WTIP: variants seen among roughly 807,000 people sequenced by gnomAD.
WTIP encodes the protein WT1 interacting protein, also known as Wilms tumor protein 1-interacting protein.
A neutral mutation model predicts 41.7 loss-of-function variants in WTIP; 23 were observed. That is an observed-to-expected ratio of 0.55 (90% CI 0.40 to 0.78). The LOEUF is 0.78. Ranked by LOEUF, WTIP falls within the 30% of genes least tolerant of loss-of-function variation. The pLI, the probability that WTIP is intolerant of heterozygous loss-of-function variation, is 0.00. For synonymous variants in WTIP, 314 were observed against 269.9 expected (o/e 1.16, Z -1.60); for missense variants, 619 against 610.5 (o/e 1.01, Z -0.15).
In WTIP at chr19:34,503,230, T is replaced by C. The variant is rs537816643; in HGVS notation, c.*2961T>C. 6.6e-6 allele frequency: 1 copy of C among 152,524 alleles called. No homozygotes were observed. The highest frequency in any genetic ancestry group is 2.4e-5 in the African/African-American group (1 of 41,586). 9.4% of individuals were successfully genotyped at this position (152,524 alleles called of 1,614,324 possible). ...TCTTTCTGGGCCCCTGGGCCCCGCA[T>C]TGCCTTCTGTCAGGGCTGGTGGCCA... On this transcript the variant is annotated 3_prime_UTR_variant, in exon 8 of 8. Transcript: ENST00000590071.
chr19:34,500,357 T>C lies in WTIP; in HGVS notation c.*88T>C. 1 of 1,404,204 alleles carries C rather than the reference T, an allele frequency of 7.1e-7. No homozygotes were observed. The highest frequency in any genetic ancestry group is 9.3e-7 in the Non-Finnish European group (1 of 1,070,422). 87.0% of individuals were successfully genotyped at this position (1,404,204 alleles called of 1,614,324 possible). On this transcript the variant is annotated 3_prime_UTR_variant, in exon 8 of 8. Transcript: ENST00000590071. ...TGGCCCTGGTCAGCGTCAGGGGAGC[T>C]CCCTCCAATCAGTTTCCCACCGAGC...
rs376589086 is a variant in WTIP, at chr19:34,493,442, G to A, written c.901-50G>A. ...TCAGGGCCAGAGCCTCTCCCAGGGC[G>A]GTGCTGAGCCTCCTGCCCGCGCTGA... On this transcript the variant is annotated intron_variant, in intron 4 of 7. Transcript: ENST00000590071. This position sits in a 1 kb window ranked among gnomAD's most constrained non-coding sequence, Gnocchi z 4.1. 26 of 1,606,392 alleles carry A rather than the reference G, an allele frequency of 1.6e-5. No individual in the cohort carries two copies. The highest frequency in any genetic ancestry group is 9.4e-5 in the African/African-American group (7 of 74,754).
At chr19:34,496,195 A>G (rs1435136018) in intron 7 of WTIP, among the ~76,000 whole-genome samples, 1 of 152,120 alleles carries the variant, frequency 6.6e-6, no homozygotes, top group Non-Finnish European at 1.5e-5. Context: ...TTTATTAGAG[A>G]CAAGATCTCA....
intron 1 of WTIP, among the ~76,000 whole-genome samples, chr19:34,484,935 T>TA (rs34263232): frequency 0.28 from 32,669 of 115,394 alleles, 4,988 homozygotes; most frequent in African/African-American, 0.42. Context: ...GTCTTTTCTT[T>TA]AAAAAAAAAA....
Position 34,502,227 on chromosome 19 carries a change from A to C in WTIP, c.*1958A>C, listed in dbSNP as rs1481265005. On this transcript the variant is annotated 3_prime_UTR_variant, in exon 8 of 8. Coordinates refer to ENST00000590071, the MANE Select transcript of WTIP (RefSeq NM_001080436.2). ...CACCTCAGCCTCCCAAAGTGCTGGG[A>C]TTACAGGTGTGTACCACTGTGCCCG... is the stretch of plus-strand genomic sequence containing the variant. 1.4e-5 allele frequency: 2 copies of C among 139,244 alleles called. No individual in the cohort carries two copies. The highest frequency in any genetic ancestry group is 3.0e-5 in the Non-Finnish European group (2 of 65,680). 8.6% of individuals were successfully genotyped at this position (139,244 alleles called of 1,614,324 possible).
At chr19:34,494,002 C>T in intron 5 of WTIP, among the ~76,000 whole-genome samples, 1 of 152,160 alleles carries the variant, frequency 6.6e-6, no homozygotes, top group East Asian at 1.9e-4. Flanking sequence ...CCTGTCTGAT[C>T]CCTGATCTGT....
At chr19:34,489,407 C>T (rs1364891612) in intron 1 of WTIP, among the ~76,000 whole-genome samples, 1 of 151,976 alleles carries the variant, frequency 6.6e-6, no homozygotes, top group Non-Finnish European at 1.5e-5. Flanking sequence ...TAAGTGGACC[C>T]TGGCATACAG....
intron 7 of WTIP, among the ~76,000 whole-genome samples, chr19:34,499,400 C>G (rs913781920): frequency 6.9e-6 from 1 of 144,152 alleles, no homozygotes; most frequent in Non-Finnish European, 1.5e-5. Flanking sequence ...CCCAGCTACT[C>G]AGGAGGCTGA....
chr19:34,483,121 C>A (rs1187752272), intron 1 of WTIP, among the ~76,000 whole-genome samples: 1 of 149,848 alleles, frequency 6.7e-6, no homozygotes, highest in Non-Finnish European at 1.5e-5. Context: ...CCTCTCGCCT[C>A]AGCCTCCCGA....
At chr19:34,483,278 C>T (rs1276179719) in intron 1 of WTIP, among the ~76,000 whole-genome samples, 1 of 151,300 alleles carries the variant, frequency 6.6e-6, no homozygotes, top group African/African-American at 2.4e-5. Context: ...CCCTCCTCGG[C>T]CTCCCAAGGT....
intron 7 of WTIP, among the ~76,000 whole-genome samples, chr19:34,496,214 C>T (rs949505254): frequency 2.0e-5 from 3 of 152,220 alleles, no homozygotes; most frequent in African/African-American, 7.2e-5. Flanking sequence ...CACTCTTGCT[C>T]AGACTGGAGT....
intron 2 of WTIP, among the ~76,000 whole-genome samples, chr19:34,491,596 A>G (rs2075825421): frequency 6.6e-6 from 1 of 151,966 alleles, no homozygotes; most frequent in African/African-American, 2.4e-5. Context: ...TGCTGGGATT[A>G]TAGGTGTGAG....
At chr19:34,486,006 C>T (rs867015076) in intron 1 of WTIP, among the ~76,000 whole-genome samples, 1 of 152,178 alleles carries the variant, frequency 6.6e-6, no homozygotes, top group African/African-American at 2.4e-5. Context: ...ACTTTCCCCT[C>T]TCCCCTCCCC....
rs980450683 is a variant in WTIP at position 34,509,219 on chromosome 19, A to T, written c.*8950A>T. ...GTGTTAGCCTGTTTTCACGCTGCTG[A>T]TAAAGACATCCCCAAGACTGGGAAG... On this transcript the variant is annotated 3_prime_UTR_variant, in exon 8 of 8. Transcript: ENST00000590071. 2.0e-5 allele frequency: 3 copies of T among 152,270 alleles called. No homozygotes were observed. Among genetic ancestry groups the T allele is most frequent in the African/African-American group, 7.2e-5 (3 of 41,432 alleles). The allele number at this position is 152,270 out of a possible 1,614,324, so 9.4% of individuals were successfully genotyped here.
chr19:34,482,474 C>T lies in WTIP; in HGVS notation c.500C>T (p.Ala167Val), dbSNP rs1260922315. 1.6e-6 allele frequency: 2 copies of T among 1,251,436 alleles called. No homozygotes were observed. The highest frequency in any genetic ancestry group is 2.0e-6 in the Non-Finnish European group (2 of 1,001,738). 77.5% of individuals were successfully genotyped at this position (1,251,436 alleles called of 1,614,324 possible). A position where few individuals can be genotyped will look rare whatever the true frequency, so the allele number is the denominator to read the frequency against. Reference protein sequence around the residue: ...ADFLPPGACPAPARSPEPAGP... With the variant: ...ADFLPPGACPVPARSPEPAGP... ...TTCCTCCCGCCCGGCGCCTGCCCCG[C>T]GCCCGCTCGCTCCCCGGAGCCTGCG... Residue 167 changes from alanine (A) to valine (V), a missense_variant, in exon 1 of 8, where the codon GCG becomes GTG. Physicochemically the swap from Ala to Val is moderately conservative, Grantham distance 64 (BLOSUM62 0). Around this residue, in one of 3 missense-constraint regions of WTIP, gnomAD observed 363 missense variants for 309.0 expected, o/e 1.17. Coordinates refer to ENST00000590071, the MANE Select transcript of WTIP (RefSeq NM_001080436.2).
intron 7 of WTIP, among the ~76,000 whole-genome samples, chr19:34,499,842 G>C (rs1441026568): frequency 1.3e-5 from 2 of 152,098 alleles, no homozygotes; most frequent in Non-Finnish European, 2.9e-5. Flanking sequence ...TGGGATTACA[G>C]GCATGTGCCA....
At chr19:34,489,262 T>C (rs2075813692) in intron 1 of WTIP, among the ~76,000 whole-genome samples, 1 of 149,290 alleles carries the variant, frequency 6.7e-6, no homozygotes, top group South Asian at 2.1e-4. Context: ...TGCCTGACGT[T>C]ATTTGACTGC....
At position 34,509,075 on chromosome 19, in the gene WTIP, G is replaced by A. The variant is rs1351873843; in HGVS notation, c.*8806G>A. The A allele has an allele frequency of 6.6e-6, 1 of 152,172 alleles. No homozygotes were observed. Among genetic ancestry groups the A allele is most frequent in the Non-Finnish European group, 1.5e-5 (1 of 68,042 alleles). 9.4% of individuals were successfully genotyped at this position (152,172 alleles called of 1,614,324 possible). A position where few individuals can be genotyped will look rare whatever the true frequency, so the allele number is the denominator to read the frequency against. On this transcript the variant is annotated 3_prime_UTR_variant, in exon 8 of 8. Coordinates refer to ENST00000590071, the MANE Select transcript of WTIP (RefSeq NM_001080436.2). ...TTAGAGCTGGGTGCACTTGGCTCCT[G>A]CCTGTGGTCCCAGCTGGCTGGGAGG...
rs563807216 is a variant in WTIP, at chr19:34,504,222, G to C, written c.*3953G>C. On this transcript the variant is annotated 3_prime_UTR_variant, in exon 8 of 8. Coordinates refer to ENST00000590071, the MANE Select transcript of WTIP (RefSeq NM_001080436.2). The stretch of plus-strand genomic sequence containing the variant: ...AATGAGGGGGAAAGATACGGAGACA[G>C]GATAAGCTGCAGAGAGAGAGGGAGA... 1 of 133,718 alleles carries C rather than the reference G, an allele frequency of 7.5e-6. No individual in the cohort carries two copies. Among genetic ancestry groups the C allele is most frequent in the African/African-American group, 3.5e-5 (1 of 28,618 alleles). The allele number at this position is 133,718 out of a possible 1,614,324, so 8.3% of individuals were successfully genotyped here. A position where few individuals can be genotyped will look rare whatever the true frequency, so the allele number is the denominator to read the frequency against.
Sources: gnomAD v4.1 joint callset for allele counts (sites outside exome capture counted in the v4.1 genomes callset) on GRCh38, gnomAD v4.1.1 for gene constraint, gnomAD v4.1.1 regional missense constraint, Gnocchi (gnomAD v3.1) non-coding constraint, MANE v1.5 for transcripts, NCBI Gene and HGNC (gene_info 2026-07-23, HGNC 2026-07-21) for gene names.